KCTD1: variants seen among roughly 807,000 people sequenced by gnomAD.
KCTD1 encodes the protein potassium channel tetramerization domain containing 1.
Under a neutral mutation model 66.0 loss-of-function variants are expected in KCTD1, and 24 were observed. The ratio of observed to expected loss-of-function variants is 0.36; its 90% CI spans 0.26 to 0.51. The LOEUF (loss-of-function observed/expected upper bound fraction) is 0.51. KCTD1 is among the 20% of genes least tolerant of loss of function. The probability of loss-of-function intolerance (pLI) is 0.95; values close to 1 mark genes in which losing one functional copy is unlikely to be tolerated. For missense variants in KCTD1, 943 were observed against 1,205.2 expected (o/e 0.78, Z 3.22); for synonymous variants, 511 against 517.2 (o/e 0.99, Z 0.16).
chr18:26,562,796 G>A (rs1454591073), intron 1 of KCTD1, among the ~76,000 whole-genome samples: 1 of 152,144 alleles, frequency 6.6e-6, no homozygotes, highest in Non-Finnish European at 1.5e-5. Context: ...CCTCTTCTCT[G>A]TGTGAGAGCC....
intron 1 of KCTD1, among the ~76,000 whole-genome samples, chr18:26,608,381 G>T (rs1212820925): frequency 6.6e-6 from 1 of 152,172 alleles, no homozygotes; most frequent in Non-Finnish European, 1.5e-5. Flanking sequence ...TGGTTTTTCA[G>T]TTCTTTAGTT....
At chr18:26,518,910 A>G (rs1983787873) in intron 1 of KCTD1, among the ~76,000 whole-genome samples, 1 of 152,212 alleles carries the variant, frequency 6.6e-6, no homozygotes, top group Admixed American at 6.5e-5. Flanking sequence ...AATACACTTT[A>G]TACTGCACAG....
At chr18:26,491,529 G>A (rs1982200528) in intron 2 of KCTD1, among the ~76,000 whole-genome samples, 1 of 152,318 alleles carries the variant, frequency 6.6e-6, no homozygotes, top group East Asian at 1.9e-4. Flanking sequence ...AAACCCACAC[G>A]CAAATAAGAA....
At chr18:26,545,187 T>C (rs1985151977) in intron 1 of KCTD1, 1 of 152,222 alleles carries the variant, frequency 6.6e-6, no homozygotes, top group South Asian at 2.1e-4. Context: ...CACGCCTTAA[T>C]AAACTTTCTT....
intron 2 of KCTD1, among the ~76,000 whole-genome samples, chr18:26,486,050 A>C (rs1463942319): frequency 1.3e-5 from 2 of 151,024 alleles, no homozygotes; most frequent in Admixed American, 6.6e-5. Context: ...AGTAGCTGAG[A>C]TTACAGGCGT....
At chr18:26,617,303 A>C (rs1465490885) in intron 1 of KCTD1, among the ~76,000 whole-genome samples, 1 of 152,238 alleles carries the variant, frequency 6.6e-6, no homozygotes, top group African/African-American at 2.4e-5. Flanking sequence ...CAGGCATTAC[A>C]GTAATCCACA....
intron 1 of KCTD1, among the ~76,000 whole-genome samples, chr18:26,571,574 T>G (rs1056638340): frequency 1.3e-5 from 2 of 152,218 alleles, no homozygotes; most frequent in Admixed American, 6.5e-5. Flanking sequence ...ATAAATGCTA[T>G]GAAAATAGTT....
chr18:26,455,950 T>C, intron 4 of KCTD1, 49 bp from the exon 5 acceptor site: 1 of 1,573,818 alleles, frequency 6.4e-7, no homozygotes, highest in Non-Finnish European at 8.7e-7. Context: ...GTAAGTCCTA[T>C]GGCTACATAA....
At chr18:26,521,239 G>A (rs1983896146) in intron 1 of KCTD1, among the ~76,000 whole-genome samples, 1 of 152,184 alleles carries the variant, frequency 6.6e-6, no homozygotes, top group Admixed American at 6.5e-5. Flanking sequence ...GTGGCATTTA[G>A]GGGTGCCCAC....
chr18:26,489,342 T>G (rs1982075738), intron 2 of KCTD1, among the ~76,000 whole-genome samples: 4 of 152,330 alleles, frequency 2.6e-5, no homozygotes, highest in Admixed American at 2.0e-4. Flanking sequence ...AGCTCACGTT[T>G]CAGTGATCCA....
chr18:26,575,994 A>G (rs1308978703), intron 1 of KCTD1, among the ~76,000 whole-genome samples: 1 of 152,216 alleles, frequency 6.6e-6, no homozygotes, highest in Non-Finnish European at 1.5e-5. Flanking sequence ...GTAAGTAAAT[A>G]CATATATTCA....
Position 26,468,156 on chromosome 18 carries a change from AAAC to A in KCTD1, c.2134-8234_2134-8232del, listed in dbSNP as rs1412338038. ...CGTACACGCTCATGTGCAGGGCATAAAACAACAATGAGCAAATCAGTAAAATTG... is the reference window on the plus strand; with the variant it reads ...CGTACACGCTCATGTGCAGGGCATAAAACAATGAGCAAATCAGTAAAATTG... On this transcript the variant is annotated intron_variant, in intron 3 of 4. Coordinates refer to ENST00000580059, the MANE Select transcript of KCTD1 (RefSeq NM_001142730.3). The surrounding 1 kb of genome is among the most constrained non-coding windows in gnomAD (Gnocchi z 4.8). Among the ~76,000 whole-genome samples, 3 of 152,368 alleles carry A rather than the reference AAAC, an allele frequency of 2.0e-5. No homozygotes were observed. The highest frequency in any genetic ancestry group is 2.1e-4 in the South Asian group (1 of 4,828).
intron 4 of KCTD1, chr18:26,459,349 G>C: frequency 2.7e-6 from 1 of 373,656 alleles, no homozygotes; most frequent in Non-Finnish European, 4.8e-6. Context: ...TTAGCCTCTG[G>C]AGTGGCTGGG....
intron 1 of KCTD1, among the ~76,000 whole-genome samples, chr18:26,527,160 G>A (rs1416949377): frequency 2.0e-5 from 3 of 152,060 alleles, no homozygotes; most frequent in South Asian, 4.2e-4. Context: ...ACATCCTCAC[G>A]GACTGGCCCT....
intron 1 of KCTD1, among the ~76,000 whole-genome samples, chr18:26,509,531 ACTTATT>A (rs1319007966): frequency 9.9e-5 from 15 of 152,160 alleles, no homozygotes; most frequent in Non-Finnish European, 1.9e-4. Context: ...TCTTTGTGTT[ACTTATT>A]CTTAATCTTT....
At chr18:26,536,236 G>C (rs1984703720) in intron 1 of KCTD1, among the ~76,000 whole-genome samples, 2 of 152,328 alleles carry the variant, frequency 1.3e-5, no homozygotes, top group Admixed American at 1.3e-4. Context: ...TGTGAACTAT[G>C]ACAGGGTACC....
chr18:26,632,889 T>C (rs1325232188), upstream of KCTD1, among the ~76,000 whole-genome samples: 1 of 152,108 alleles, frequency 6.6e-6, no homozygotes, highest in Non-Finnish European at 1.5e-5. Flanking sequence ...CAAAGAAATA[T>C]AGAAATTTTA....
At chr18:26,608,084 G>T (rs1442601105) in intron 1 of KCTD1, among the ~76,000 whole-genome samples, 1 of 152,104 alleles carries the variant, frequency 6.6e-6, no homozygotes, top group Non-Finnish European at 1.5e-5. Context: ...AATTCTTAAA[G>T]TTTCTCAATT....
At chr18:26,459,119 A>G (rs1051882873) in intron 4 of KCTD1, 3 of 153,112 alleles carry the variant, frequency 2.0e-5, no homozygotes, top group African/African-American at 7.2e-5. Flanking sequence ...TTCAAGCCAA[A>G]CTGGCTTTCC....
Sources: allele counts gnomAD v4.1 joint callset (sites outside exome capture counted in the v4.1 genomes callset), GRCh38; gene constraint gnomAD v4.1.1; non-coding constraint Gnocchi (gnomAD v3.1); transcripts MANE v1.5; gene names NCBI Gene and HGNC (gene_info 2026-07-23, HGNC 2026-07-21).